The following CSF1 variants were observed in gnomAD, a reference collection of about 807,000 sequenced individuals.
The protein encoded by CSF1 is macrophage colony-stimulating factor 1.
A neutral mutation model predicts 48.9 loss-of-function variants in CSF1; 9 were observed. That is an observed-to-expected ratio of 0.18 (90% CI 0.11 to 0.32). The LOEUF (loss-of-function observed/expected upper bound fraction) is 0.32, where lower values mean the gene tolerates loss of function less well. CSF1 is among the 10% of genes least tolerant of loss of function. The pLI, the probability that CSF1 is intolerant of heterozygous loss-of-function variation, is 1.00. For synonymous variants in CSF1, 305 were observed against 284.1 expected (o/e 1.07, Z -0.74); for missense variants, 672 against 697.9 (o/e 0.96, Z 0.42).
intron 4 of CSF1, among the ~76,000 whole-genome samples, chr1:109,918,673 C>G (rs943734210): frequency 6.6e-6 from 1 of 152,080 alleles, no homozygotes; most frequent in Non-Finnish European, 1.5e-5. Flanking sequence ...TCCAATGATG[C>G]TGAAACGGGG....
chr1:109,923,032 A>T, intron 5 of CSF1, 134 bp from the exon 6 acceptor site: 1 of 807,278 alleles, frequency 1.2e-6, no homozygotes, highest in Non-Finnish European at 1.9e-6. Context: ...TCTCAGCCCC[A>T]GGGCTGAGCT....
intron 4 of CSF1, among the ~76,000 whole-genome samples, chr1:109,920,083 CAA>C (rs1176833627): frequency 1.3e-5 from 2 of 151,592 alleles, no homozygotes; most frequent in African/African-American, 4.8e-5. Flanking sequence ...GGGCAGGCTC[CAA>C]GAGAGAGGGT....
chr1:109,925,295 C>A (rs1329788820), intron 8 of CSF1, 93 bp downstream of exon 8: 3 of 1,032,482 alleles, frequency 2.9e-6, no homozygotes, highest in Non-Finnish European at 4.5e-6. Flanking sequence ...CCCCTGAGGC[C>A]CCCACACTGA....
chr1:109,925,087 A>G, intron 7 of CSF1, 60 bp from the exon 8 acceptor site: 1 of 1,471,790 alleles, frequency 6.8e-7, no homozygotes, highest in Non-Finnish European at 9.5e-7. Context: ...AAACTTACGG[A>G]GTCCCCTTAT....
At chr1:109,925,881 G>T (rs928253279) in intron 8 of CSF1, among the ~76,000 whole-genome samples, 2 of 152,072 alleles carry the variant, frequency 1.3e-5, no homozygotes, top group Admixed American at 6.5e-5. Flanking sequence ...GTCAGACTGG[G>T]AGAAACGTCT....
Position 109,923,908 on chromosome 1 carries a change from C to G in CSF1, c.1287C>G (p.His429Gln). The part of the protein sequence containing the change: ...LSAQPQLSRS[H>Q]SSGSVLPLGE... ...CTCAGCCACAGCTTTCCAGAAGCCA[C>G]TCCTCGGGCAGCGTGCTGCCCCTTG... The change falls in exon 6 of 9, where the codon CAC (histidine) becomes CAG (glutamine). Residue 429 changes from histidine (H) to glutamine (Q), a missense_variant. Physicochemically the swap from His to Gln is conservative, Grantham distance 24. This residue lies in a region of CSF1 where 591 missense variants were observed against 593.6 expected (regional missense o/e 1.00). Coordinates refer to ENST00000329608, the MANE Select transcript of CSF1 (RefSeq NM_000757.6). The G allele has an allele frequency of 6.2e-7, 1 of 1,614,116 alleles. No homozygotes were observed. The highest frequency in any genetic ancestry group is 8.5e-7 in the Non-Finnish European group (1 of 1,179,930).
intron 2 of CSF1, 137 bp downstream of exon 2, chr1:109,914,518 C>T: frequency 1.9e-6 from 2 of 1,036,236 alleles, no homozygotes; most frequent in Non-Finnish European, 2.6e-6. Flanking sequence ...TTCCCACTAG[C>T]TCCACCAGTG....
At chr1:109,913,041 A>C (rs3093050) in intron 1 of CSF1, among the ~76,000 whole-genome samples, 9,558 of 152,226 alleles carry the variant, frequency 0.063, 326 homozygotes, top group African/African-American at 0.085. Context: ...TGCTCTCTGC[A>C]GTCTCCCTGG....
intron 4 of CSF1, among the ~76,000 whole-genome samples, chr1:109,921,072 C>CCG (rs1647509661): frequency 6.6e-6 from 1 of 151,968 alleles, no homozygotes; most frequent in African/African-American, 2.4e-5. Flanking sequence ...TGGCGGCTGC[C>CCG]CCGTTCCCTT....
intron 5 of CSF1, 116 bp downstream of exon 5, chr1:109,922,110 G>T: frequency 2.5e-6 from 3 of 1,223,094 alleles, no homozygotes; most frequent in Non-Finnish European, 3.4e-6. Context: ...TGCTACTCGT[G>T]TTCCCGTGTG....
chr1:109,928,207 C>T (rs1647922948), intron 8 of CSF1, among the ~76,000 whole-genome samples: 1 of 152,212 alleles, frequency 6.6e-6, no homozygotes, highest in South Asian at 2.1e-4. Flanking sequence ...AAGGCCCTGA[C>T]TCCCATGGAT....
chr1:109,919,820 G>A (rs12080540), intron 4 of CSF1, among the ~76,000 whole-genome samples: 23,350 of 151,690 alleles, frequency 0.15, 3,457 homozygotes, highest in African/African-American at 0.38. Flanking sequence ...TTAGCAGCTG[G>A]TGGTGGCGCA....
intron 1 of CSF1, among the ~76,000 whole-genome samples, 189 bp downstream of exon 1, chr1:109,911,251 G>A (rs1654671418): frequency 6.6e-6 from 1 of 152,130 alleles, no homozygotes; most frequent in African/African-American, 2.4e-5. Context: ...GCCGGTGGCG[G>A]CCCTGCAGCT....
chr1:109,928,474 G>A (rs529630108), intron 8 of CSF1, among the ~76,000 whole-genome samples: 1 of 152,342 alleles, frequency 6.6e-6, no homozygotes, highest in South Asian at 2.1e-4. Context: ...CAAGGCCAAT[G>A]AGATGACCTC....
chr1:109,916,842 T>C (rs913592311), intron 3 of CSF1, among the ~76,000 whole-genome samples: 6 of 152,136 alleles, frequency 3.9e-5, no homozygotes, highest in Non-Finnish European at 7.4e-5. Context: ...CTACCATCTC[T>C]TTAGGGAGAC....
Position 109,923,185 on chromosome 1 carries a change from T to C in CSF1, c.564T>C (p.Asp188=). The change falls in exon 6 of 9, where the codon GAT becomes GAC. Residue 188 remains aspartate, a synonymous_variant. Coordinates refer to ENST00000329608, the MANE Select transcript of CSF1 (RefSeq NM_000757.6). The part of the protein sequence containing the change: ...CSSQDVVTKP[D]CNCLYPKAIP... ...TTTCAGATGTGGTGACCAAGCCTGA[T>C]TGCAACTGCCTGTACCCCAAAGCCA... The C allele has an allele frequency of 1.3e-6, 2 of 1,519,816 alleles. No individual in the cohort carries two copies. Among genetic ancestry groups the C allele is most frequent in the Middle Eastern group, 1.8e-4 (1 of 5,604 alleles). 94.1% of individuals were successfully genotyped at this position (1,519,816 alleles called of 1,614,324 possible). A position where few individuals can be genotyped will look rare whatever the true frequency, so the allele number is the denominator to read the frequency against.
At chr1:109,913,970 C>T (rs1353686283) in intron 1 of CSF1, among the ~76,000 whole-genome samples, 4 of 152,210 alleles carry the variant, frequency 2.6e-5, no homozygotes, top group African/African-American at 9.7e-5. Flanking sequence ...CTGGTAGGCA[C>T]ACCATCTGTG....
In CSF1 at chr1:109,913,671, A is replaced by G. The variant is rs1654780696; in HGVS notation, c.40-588A>G. ...ATTAATCAGCTGGGCTCCTTTTGAA[A>G]CACACACCCAGGGCTCCAAGATGTC... On this transcript the variant is annotated intron_variant, in intron 1 of 8. Coordinates refer to ENST00000329608, the MANE Select transcript of CSF1 (RefSeq NM_000757.6). Among the ~76,000 whole-genome samples the G allele has an allele frequency of 2.6e-5, 4 of 152,220 alleles. 1 individual carries two copies. In the South Asian group the frequency reaches 8.3e-4, roughly 32 times the overall value.
At chr1:109,925,279 C>A in intron 8 of CSF1, 77 bp downstream of exon 8, 2 of 1,250,240 alleles carry the variant, frequency 1.6e-6, no homozygotes, top group Non-Finnish European at 2.3e-6. Flanking sequence ...GTTGGTGACA[C>A]CAATTCCCCT....
Sources: gnomAD v4.1 joint callset for allele counts (sites outside exome capture counted in the v4.1 genomes callset) on GRCh38, gnomAD v4.1.1 for gene constraint, gnomAD v4.1.1 regional missense constraint, MANE v1.5 for transcripts, NCBI Gene and HGNC (gene_info 2026-07-23, HGNC 2026-07-21) for gene names.